BCL2L11: variants seen among roughly 807,000 people sequenced by gnomAD.
BCL2L11 encodes bcl-2-like protein 11.
In BCL2L11, 15 loss-of-function variants were observed where a neutral mutation model predicts 20.6. The ratio of observed to expected loss-of-function variants is 0.73; its 90% confidence interval spans 0.49 to 1.12. BCL2L11 has a LOEUF of 1.12. Among genes scored for constraint, BCL2L11 ranks in the 50% most tolerant of loss-of-function variants. The pLI, the probability that BCL2L11 is intolerant of heterozygous loss-of-function variation, is 0.00. For synonymous variants in BCL2L11, 108 were observed against 92.8 expected (o/e 1.16, Z -0.94); for missense variants, 292 against 260.9 (o/e 1.12, Z -0.82).
intron 2 of BCL2L11, among the ~76,000 whole-genome samples, chr2:111,124,451 C>T (rs965286374): frequency 2.2e-4 from 34 of 152,102 alleles, no homozygotes; most frequent in Admixed American, 2.2e-3. Flanking sequence ...CCACCACGCC[C>T]AGCTAATTTT....
intron 2 of BCL2L11, among the ~76,000 whole-genome samples, chr2:111,148,438 A>G (rs2076841299): frequency 6.6e-6 from 1 of 152,258 alleles, no homozygotes; most frequent in Non-Finnish European, 1.5e-5. Context: ...TGACATCAGC[A>G]TCACCTCATA....
At chr2:111,153,347 C>G (rs1340413168) in intron 3 of BCL2L11, among the ~76,000 whole-genome samples, 1 of 152,036 alleles carries the variant, frequency 6.6e-6, no homozygotes, top group Non-Finnish European at 1.5e-5. Context: ...CCATTGCACT[C>G]TAGCCTCCAC....
intron 3 of BCL2L11, among the ~76,000 whole-genome samples, chr2:111,157,756 G>A (rs2078044930): frequency 6.6e-6 from 1 of 152,208 alleles, no homozygotes; most frequent in Non-Finnish European, 1.5e-5. Flanking sequence ...TTGAAATAGT[G>A]TGTCAAAAAT....
At chr2:111,131,915 G>C (rs934719840) in intron 2 of BCL2L11, 1 of 152,158 alleles carries the variant, frequency 6.6e-6, no homozygotes, top group African/African-American at 2.4e-5. Context: ...AGGATTGATG[G>C]TAAGTACATG....
intron 2 of BCL2L11, chr2:111,146,264 C>T: frequency 1.0e-6 from 1 of 969,660 alleles, no homozygotes; most frequent in Non-Finnish European, 1.2e-6. Context: ...GCTTTCATTT[C>T]AAATAAAACC....
intron 2 of BCL2L11, chr2:111,146,140 AAAC>A (rs2076480721): frequency 4.1e-6 from 4 of 985,224 alleles, no homozygotes; most frequent in Non-Finnish European, 4.8e-6. Context: ...ATAAATGCTG[AAAC>A]TACATTTTCT....
intron 1 of BCL2L11, among the ~76,000 whole-genome samples, chr2:111,121,723 G>A (rs1297099291): frequency 1.3e-5 from 2 of 152,334 alleles, no homozygotes; most frequent in East Asian, 1.9e-4. Flanking sequence ...TACTCATTCA[G>A]GCCAAGGTTT....
At chr2:111,133,027 T>C (rs2074237495) in intron 2 of BCL2L11, among the ~76,000 whole-genome samples, 2 of 152,248 alleles carry the variant, frequency 1.3e-5, no homozygotes, top group South Asian at 4.1e-4. Context: ...GCTCAGGATA[T>C]GGTCTATTTT....
At chr2:111,160,073 T>C (rs181480844) in intron 3 of BCL2L11, among the ~76,000 whole-genome samples, 219 of 152,358 alleles carry the variant, frequency 1.4e-3, no homozygotes, top group Non-Finnish European at 2.1e-3. Flanking sequence ...TAAATACTTA[T>C]CCACTACTGA....
At chr2:111,164,043 G>C in intron 3 of BCL2L11, 90 bp from the exon 4 acceptor site, 2 of 825,030 alleles carry the variant, frequency 2.4e-6, no homozygotes, top group Non-Finnish European at 4.2e-6. Context: ...TGATTAAGAT[G>C]GGATTGGTTG....
At chr2:111,144,771 T>C (rs2076282352) in intron 2 of BCL2L11, among the ~76,000 whole-genome samples, 1 of 152,216 alleles carries the variant, frequency 6.6e-6, no homozygotes, top group Non-Finnish European at 1.5e-5. Flanking sequence ...AAAGCTGGTT[T>C]CAGAGTCCAC....
intron 2 of BCL2L11, among the ~76,000 whole-genome samples, chr2:111,136,633 G>A (rs560053210): frequency 1.3e-5 from 2 of 152,262 alleles, no homozygotes; most frequent in South Asian, 4.1e-4. Flanking sequence ...TTTGGTGTGC[G>A]GTGAGGGCCA....
intron 1 of BCL2L11, chr2:111,122,784 A>T: frequency 2.0e-6 from 2 of 985,170 alleles, no homozygotes; most frequent in Non-Finnish European, 2.4e-6. Context: ...GGGGACTCTG[A>T]ACCCGAGTCC....
At chr2:111,121,999 C>G (rs530130645) in intron 1 of BCL2L11, among the ~76,000 whole-genome samples, 216 of 152,302 alleles carry the variant, frequency 1.4e-3, no homozygotes, top group Non-Finnish European at 2.7e-3. Flanking sequence ...CCTCTGGGAC[C>G]TGTTGCCCCA....
chr2:111,142,522 G>A lies in BCL2L11; in HGVS notation c.395-7522G>A, dbSNP rs1413329191. On this transcript the variant is annotated intron_variant, in intron 2 of 3. Transcript: ENST00000393256. The stretch of plus-strand genomic sequence containing the variant: ...TCAATAATCATATCTGTGTTAAATT[G>A]TACTTCACTTTGTATATCACCATTG... The A allele has an allele frequency of 7.0e-6, 5 of 709,874 alleles. No individual in the cohort carries two copies. The African/African-American group carries it at 9.0e-5, about 13-fold the overall frequency. 44.0% of individuals were successfully genotyped at this position (709,874 alleles called of 1,614,324 possible).
chr2:111,134,629 T>G (rs1057057625), intron 2 of BCL2L11, among the ~76,000 whole-genome samples: 6 of 152,364 alleles, frequency 3.9e-5, no homozygotes, highest in African/African-American at 1.4e-4. Flanking sequence ...CTTTCCTTTC[T>G]GAAGTTCTAA....
chr2:111,154,679 A>G (rs894472391), intron 3 of BCL2L11, among the ~76,000 whole-genome samples: 3 of 152,240 alleles, frequency 2.0e-5, no homozygotes, highest in African/African-American at 7.2e-5. Flanking sequence ...CTTTGATCCA[A>G]GGTGGATCTT....
chr2:111,136,302 C>T (rs916669280), intron 2 of BCL2L11, among the ~76,000 whole-genome samples: 1 of 152,182 alleles, frequency 6.6e-6, no homozygotes, highest in Non-Finnish European at 1.5e-5. Context: ...ACTCCCTGTC[C>T]GTCATCCCTC....
intron 1 of BCL2L11, among the ~76,000 whole-genome samples, chr2:111,122,166 G>T (rs2071164763): frequency 6.6e-6 from 1 of 152,236 alleles, no homozygotes; most frequent in South Asian, 2.1e-4. Context: ...TGTTGGAGGA[G>T]AATAGTTGCC....
Sources: gnomAD v4.1 joint callset for allele counts (sites outside exome capture counted in the v4.1 genomes callset) on GRCh38, gnomAD v4.1.1 for gene constraint, MANE v1.5 for transcripts, NCBI Gene and HGNC (gene_info 2026-07-23, HGNC 2026-07-21) for gene names.